LRRC37A2: variants seen among roughly 807,000 people sequenced by gnomAD.
The protein encoded by LRRC37A2 is leucine rich repeat containing 37 member A2, also known as leucine-rich repeat-containing protein 37A2.
In LRRC37A2, 9 loss-of-function variants were observed where a neutral mutation model predicts 68.8. The ratio of observed to expected loss-of-function variants is 0.13; its 90% confidence interval spans 0.08 to 0.23. The LOEUF (loss-of-function observed/expected upper bound fraction) is 0.23, where lower values mean the gene tolerates loss of function less well. Among genes scored for constraint, LRRC37A2 ranks in the 10% least tolerant of loss-of-function variants. The pLI is 1.00. For synonymous variants in LRRC37A2, 63 were observed against 367.6 expected (o/e 0.17, Z 9.48); for missense variants, 168 against 950.4 (o/e 0.18, Z 10.82).
At chr17:46,815,199 G>A in the LRRC37A2 span, among the ~76,000 whole-genome samples, 1 of 151,756 alleles carries the variant, frequency 6.6e-6, no homozygotes, top group Non-Finnish European at 1.5e-5. Context: ...GAAGAAGAAA[G>A]ACAAGTTTCT....
At chr17:46,768,261 C>G in the LRRC37A2 span, 5 of 1,609,924 alleles carry the variant, frequency 3.1e-6, no homozygotes, top group Non-Finnish European at 3.4e-6. This position sits in a 1 kb window ranked among gnomAD's most constrained non-coding sequence, Gnocchi z 5.0. Flanking sequence ...CAAACAACCC[C>G]ATTCCCTGCG....
chr17:46,551,655 C>G (rs2056836670), intron 11 of LRRC37A2, among the ~76,000 whole-genome samples: 1 of 149,116 alleles, frequency 6.7e-6, no homozygotes, highest in Non-Finnish European at 1.5e-5. Context: ...ATTTCTTGGA[C>G]ACCATATGAG....
At chr17:46,502,459 G>A in the LRRC37A2 span, among the ~76,000 whole-genome samples, 2 of 150,888 alleles carry the variant, frequency 1.3e-5, no homozygotes, top group Admixed American at 6.6e-5. Context: ...CCACCACCAC[G>A]CCCTGCTAGT....
the LRRC37A2 span, among the ~76,000 whole-genome samples, chr17:46,856,357 A>G: frequency 3.3e-5 from 5 of 152,214 alleles, no homozygotes; most frequent in African/African-American, 9.7e-5. Flanking sequence ...CTCTCAGTGG[A>G]TGCTGGGGTT....
At chr17:46,927,353 C>G in the LRRC37A2 span, among the ~76,000 whole-genome samples, 1 of 152,138 alleles carries the variant, frequency 6.6e-6, no homozygotes, top group Non-Finnish European at 1.5e-5. Context: ...CTTTGGTGTA[C>G]AGAAGTTTTT....
the LRRC37A2 span, among the ~76,000 whole-genome samples, chr17:46,868,107 AG>A: frequency 5.9e-5 from 9 of 152,326 alleles, no homozygotes; most frequent in African/African-American, 2.2e-4. Context: ...GGGCCAAAGC[AG>A]GTGCAGCCTG....
chr17:46,730,358 G>A, the LRRC37A2 span, among the ~76,000 whole-genome samples: 1 of 152,182 alleles, frequency 6.6e-6, no homozygotes, highest in African/African-American at 2.4e-5. Context: ...TTGGGAGAAG[G>A]AAGATTAACT....
the LRRC37A2 span, among the ~76,000 whole-genome samples, chr17:46,806,304 G>A: frequency 1.4e-5 from 2 of 145,700 alleles, no homozygotes; most frequent in East Asian, 2.1e-4. Flanking sequence ...TTCAGCCCTC[G>A]GTTGAAGCGA....
chr17:46,711,156 G>A, the LRRC37A2 span: 3 of 1,454,850 alleles, frequency 2.1e-6, no homozygotes, highest in Admixed American at 5.8e-5. Flanking sequence ...AAAAGTTAAA[G>A]GAAAAAAAGC....
the LRRC37A2 span, among the ~76,000 whole-genome samples, chr17:46,795,576 G>A: frequency 0.13 from 20,446 of 152,200 alleles, 1,637 homozygotes; most frequent in African/African-American, 0.22. Flanking sequence ...TCACTTGCCT[G>A]GTTAAAAGCA....
chr17:46,833,317 C>T, the LRRC37A2 span: 1 of 512,654 alleles, frequency 2.0e-6, no homozygotes, highest in Non-Finnish European at 3.9e-6. Flanking sequence ...AAGCAAGCTG[C>T]AATTTCTGTT....
the LRRC37A2 span, among the ~76,000 whole-genome samples, chr17:46,457,708 G>A: frequency 9.1e-6 from 1 of 110,478 alleles, no homozygotes; most frequent in African/African-American, 3.0e-5. Flanking sequence ...GATGCACACC[G>A]AAACATCAGC....
chr17:46,979,010 C>T, the LRRC37A2 span: 5 of 1,401,096 alleles, frequency 3.6e-6, no homozygotes, highest in Non-Finnish European at 4.6e-6. Context: ...GCGTTCATCG[C>T]CGCGCGGCGC....
the LRRC37A2 span, among the ~76,000 whole-genome samples, chr17:46,914,515 G>C: frequency 6.6e-6 from 1 of 151,900 alleles, no homozygotes; most frequent in East Asian, 1.9e-4. Context: ...GCCAGGCGTA[G>C]TGGTGCATGC....
the LRRC37A2 span, among the ~76,000 whole-genome samples, chr17:46,971,951 G>C: frequency 6.6e-6 from 1 of 152,242 alleles, no homozygotes; most frequent in South Asian, 2.1e-4. Context: ...CTGGCTCTGA[G>C]GAAGGGTCAC....
At chr17:46,834,133 T>G in the LRRC37A2 span, among the ~76,000 whole-genome samples, 1 of 152,122 alleles carries the variant, frequency 6.6e-6, no homozygotes. Flanking sequence ...CATTTGAGGT[T>G]GCAGTGAGCT....
the LRRC37A2 span, chr17:46,929,416 C>A: frequency 9.4e-6 from 7 of 741,456 alleles, no homozygotes; most frequent in Non-Finnish European, 1.7e-5. Context: ...GTGATGCTGT[C>A]GATTTAAATC....
the LRRC37A2 span, among the ~76,000 whole-genome samples, chr17:46,896,871 G>A: frequency 6.6e-6 from 1 of 152,086 alleles, no homozygotes; most frequent in Non-Finnish European, 1.5e-5. Context: ...GGACCCTGAG[G>A]GCATCTAGGG....
the LRRC37A2 span, among the ~76,000 whole-genome samples, chr17:46,839,926 T>TTC: frequency 1.6e-5 from 2 of 126,298 alleles, no homozygotes; most frequent in Non-Finnish European, 3.5e-5. Context: ...CTTTCTTTCT[T>TTC]TCTTTCTTTC....
Sources: allele counts gnomAD v4.1 joint callset (sites outside exome capture counted in the v4.1 genomes callset), GRCh38; gene constraint gnomAD v4.1.1; non-coding constraint Gnocchi (gnomAD v3.1); transcripts MANE v1.5; gene names NCBI Gene and HGNC (gene_info 2026-07-23, HGNC 2026-07-21).